Variants in DNAH7 observed in about 807,000 individuals in gnomAD.
The protein encoded by DNAH7 is axonemal beta dynein heavy chain 7.
Under a neutral mutation model 444.6 loss-of-function variants are expected in DNAH7, and 397 were observed. The observed-to-expected ratio is 0.89, with a 90% CI of 0.82 to 0.97. The LOEUF (loss-of-function observed/expected upper bound fraction) is 0.97, where lower values mean the gene tolerates loss of function less well. Ranked by LOEUF, DNAH7 falls within the 50% of genes least tolerant of loss-of-function variation. The pLI is 0.00. For synonymous variants in DNAH7, 1,636 were observed against 1,624.4 expected, an observed-to-expected ratio of 1.01 and a Z score of -0.17; for missense variants, 4,902 against 4,800.8, an observed-to-expected ratio of 1.02 and a Z score of -0.62.
At chr2:195,779,518 G>A (rs374242015) in intron 58 of DNAH7, among the ~76,000 whole-genome samples, 31 of 151,862 alleles carry the variant, frequency 2.0e-4, no homozygotes, top group African/African-American at 1.5e-4. Flanking sequence ...CAATAGTGAG[G>A]TCCACAATTA....
chr2:196,066,351 T>C (rs894489136), intron 1 of DNAH7, among the ~76,000 whole-genome samples: 1 of 152,262 alleles, frequency 6.6e-6, no homozygotes, highest in Non-Finnish European at 1.5e-5. Context: ...TTTTTCATTC[T>C]TTCCCCTTTT....
rs763452970 is a variant in DNAH7, at chr2:195,857,640, G to A, written c.8151C>T (p.Ile2717=). Residue 2717 remains isoleucine (I), a synonymous_variant, in exon 44 of 65, where the codon ATC becomes ATT. Coordinates refer to ENST00000312428, the MANE Select transcript of DNAH7 (RefSeq NM_018897.3). The stretch of plus-strand genomic sequence containing the variant: ...TTGGGTCAGGGATTTTGTCAGCTTT[G>A]ATTCCTTTCAAGATGCATATAGCTT... ...VMEAICILKG[I]KADKIPDPTG... 8 of 1,613,816 alleles carry A rather than the reference G, an allele frequency of 5.0e-6. No homozygotes were observed. In the East Asian group the frequency reaches 1.3e-4, roughly 27 times the overall value.
In DNAH7 at chr2:195,950,662, C is replaced by T. The variant is rs555384262; in HGVS notation, c.3078+6599G>A. Among the ~76,000 whole-genome samples the T allele has an allele frequency of 7.2e-5, 11 of 151,964 alleles. No individual in the cohort carries two copies. The South Asian group carries it at 1.2e-3, about 17-fold the overall frequency. On this transcript the variant is annotated intron_variant, in intron 19 of 64. Transcript: ENST00000312428. ...AAGGGATCGAAACCATCCTGGCTAACATGGTGAAACCCCATCTCTACTAAA... is the reference window on the plus strand; with the variant it reads ...AAGGGATCGAAACCATCCTGGCTAATATGGTGAAACCCCATCTCTACTAAA...
intron 31 of DNAH7, among the ~76,000 whole-genome samples, chr2:195,889,218 ATCTTT>A (rs1701875732): frequency 6.6e-6 from 1 of 152,170 alleles, no homozygotes; most frequent in East Asian, 1.9e-4. Flanking sequence ...GACATATGTC[ATCTTT>A]TCTTAAGATT....
chr2:195,988,765 T>C (rs1171292862), intron 12 of DNAH7, among the ~76,000 whole-genome samples: 2 of 152,126 alleles, frequency 1.3e-5, no homozygotes, highest in South Asian at 2.1e-4. Flanking sequence ...TAATGTGCAA[T>C]AGAACACCAG....
intron 10 of DNAH7, among the ~76,000 whole-genome samples, chr2:196,002,224 T>G (rs532704309): frequency 6.6e-6 from 1 of 152,342 alleles, no homozygotes; most frequent in South Asian, 2.1e-4. Context: ...AGTTTAAAGT[T>G]AAAATGTGAA....
At chr2:195,940,925 G>A (rs1237054363) in intron 19 of DNAH7, among the ~76,000 whole-genome samples, 1 of 152,166 alleles carries the variant, frequency 6.6e-6, no homozygotes, top group Non-Finnish European at 1.5e-5. Context: ...CTGTTGGTGG[G>A]AGTGTAAATT....
intron 9 of DNAH7, among the ~76,000 whole-genome samples, chr2:196,015,239 T>A (rs1425489174): frequency 6.6e-6 from 1 of 152,178 alleles, no homozygotes; most frequent in Non-Finnish European, 1.5e-5. Flanking sequence ...CTCAGTATAG[T>A]TTTAATTTCA....
chr2:195,893,949 A>G (rs1702159531), intron 30 of DNAH7: 1 of 152,094 alleles, frequency 6.6e-6, no homozygotes, highest in African/African-American at 2.4e-5. Context: ...TAAAATAACA[A>G]AACAGGAAAA....
At chr2:195,826,363 T>C (rs1467460829) in intron 48 of DNAH7, among the ~76,000 whole-genome samples, 1 of 152,198 alleles carries the variant, frequency 6.6e-6, no homozygotes, top group Non-Finnish European at 1.5e-5. Context: ...TTTCTTGTCA[T>C]GCTCATAACT....
Position 195,764,836 on chromosome 2 carries a change from C to T in DNAH7, c.11433+6824G>A, listed in dbSNP as rs952228983. 4.6e-5 allele frequency among the ~76,000 whole-genome samples: 7 copies of T among 151,546 alleles called. No homozygotes were observed. The East Asian group carries it at 1.2e-3, about 25-fold the overall frequency. On this transcript the variant is annotated intron_variant, in intron 61 of 64. Coordinates refer to ENST00000312428, the MANE Select transcript of DNAH7 (RefSeq NM_018897.3). ...AAAGCAGTCTATAGATTCAGTGCAA[C>T]CCCCATCAAAATACCTATGACATTC...
chr2:195,826,125 C>A (rs960983057), intron 48 of DNAH7, among the ~76,000 whole-genome samples: 5 of 152,046 alleles, frequency 3.3e-5, no homozygotes, highest in African/African-American at 1.2e-4. Flanking sequence ...TATGAATGAA[C>A]CTTTGTGTTC....
At chr2:195,916,430 T>A (rs1327979050) in intron 24 of DNAH7, among the ~76,000 whole-genome samples, 1 of 150,700 alleles carries the variant, frequency 6.6e-6, no homozygotes. Context: ...AGGAGAGGGC[T>A]CCTCCCACCC....
chr2:195,740,851 A>C lies in DNAH7; in HGVS notation c.11783T>G (p.Leu3928Ter). ...ATTCCAGGAAGCTCCATCCAGAAAT[A>C]ATCCGTGAATGAAAACACCTAAATA... ...PPEDGVFIHGLFLDGASWNRK... is the reference protein window; with the variant it reads ...PPEDGVFIHG The change falls in exon 64 of 65, where the codon TTA becomes TGA. Residue 3928 changes from leucine to a stop codon, truncating the protein, a stop_gained. Coordinates refer to ENST00000312428, the MANE Select transcript of DNAH7 (RefSeq NM_018897.3). LOFTEE classifies it high-confidence loss of function. 4 of 1,552,996 alleles carry C rather than the reference A, an allele frequency of 2.6e-6. No homozygotes were observed. The highest frequency in any genetic ancestry group is 3.5e-6 in the Non-Finnish European group (4 of 1,150,140).
intron 27 of DNAH7, chr2:195,902,072 T>C (rs890410885): frequency 7.9e-5 from 12 of 152,278 alleles, no homozygotes; most frequent in African/African-American, 2.6e-4. Flanking sequence ...TGAATGACAA[T>C]CATAGTCAGA....
At chr2:195,817,323 C>T (rs1236743354) in intron 50 of DNAH7, among the ~76,000 whole-genome samples, 1 of 152,196 alleles carries the variant, frequency 6.6e-6, no homozygotes, top group Admixed American at 6.5e-5. Flanking sequence ...ACCTATGATA[C>T]AGATGTTATG....
At chr2:195,858,037 CATT>C (rs1341372871) in intron 43 of DNAH7, among the ~76,000 whole-genome samples, 3 of 152,084 alleles carry the variant, frequency 2.0e-5, no homozygotes, top group East Asian at 1.9e-4. Context: ...TTATAAAACA[CATT>C]ATTATTTTAT....
At chr2:196,027,493 A>G (rs936321692) in intron 6 of DNAH7, among the ~76,000 whole-genome samples, 1 of 152,032 alleles carries the variant, frequency 6.6e-6, no homozygotes, top group South Asian at 2.1e-4. Flanking sequence ...TACGTTCACA[A>G]ATTTTTACAT....
At chr2:195,907,346 A>G (rs1687091427) in intron 25 of DNAH7, among the ~76,000 whole-genome samples, 1 of 152,124 alleles carries the variant, frequency 6.6e-6, no homozygotes, top group African/African-American at 2.4e-5. Context: ...TTTATAGCAT[A>G]GGTTATAATA....
Sources: allele counts gnomAD v4.1 joint callset (sites outside exome capture counted in the v4.1 genomes callset), GRCh38; gene constraint gnomAD v4.1.1; transcripts MANE v1.5; gene names NCBI Gene and HGNC (gene_info 2026-07-23, HGNC 2026-07-21).